STX8: variants seen among roughly 807,000 people sequenced by gnomAD.
The protein encoded by STX8 is syntaxin 8.
STX8 carries 23 observed loss-of-function variants against 37.5 expected under a neutral mutation model. The observed-to-expected ratio is 0.61, with a 90% CI of 0.44 to 0.87. STX8 has a LOEUF of 0.87. STX8 is among the 40% of genes least tolerant of loss of function. The pLI, the probability that STX8 is intolerant of heterozygous loss-of-function variation, is 0.00. For missense variants in STX8, 313 were observed against 284.7 expected (o/e 1.10, Z -0.71); for synonymous variants, 115 against 99.1 (o/e 1.16, Z -0.95).
intron 7 of STX8, among the ~76,000 whole-genome samples, chr17:9,312,525 C>T (rs1227479276): frequency 6.6e-6 from 1 of 152,144 alleles, no homozygotes. Context: ...TAAGGGATAT[C>T]ATAAAAGATA....
chr17:9,354,318 CTTTTT>C (rs35460018), intron 7 of STX8, among the ~76,000 whole-genome samples: 2 of 119,752 alleles, frequency 1.7e-5, no homozygotes, highest in African/African-American at 3.2e-5. Context: ...AATTGTCTCA[CTTTTT>C]TTTTTTTTTT....
At chr17:9,371,725 G>A (rs1911407400) in intron 7 of STX8, among the ~76,000 whole-genome samples, 1 of 150,116 alleles carries the variant, frequency 6.7e-6, no homozygotes, top group Non-Finnish European at 1.5e-5. Context: ...TTTAATTTCA[G>A]TTACCTGTTA....
intron 6 of STX8, among the ~76,000 whole-genome samples, chr17:9,490,746 C>A (rs1003211538): frequency 2.0e-5 from 3 of 152,144 alleles, no homozygotes; most frequent in African/African-American, 7.2e-5. Context: ...TTTTCTTTTT[C>A]TCTTCCTACT....
At chr17:9,266,616 G>A (rs1377058999) in intron 7 of STX8, among the ~76,000 whole-genome samples, 1 of 152,118 alleles carries the variant, frequency 6.6e-6, no homozygotes, top group East Asian at 1.9e-4. Flanking sequence ...TGCATTTCCA[G>A]TAAGGTGGGA....
At chr17:9,476,993 ACAC>A (rs1440567413) in intron 6 of STX8, among the ~76,000 whole-genome samples, 11 of 152,000 alleles carry the variant, frequency 7.2e-5, no homozygotes, top group African/African-American at 2.7e-4. Context: ...CTACAGGTGT[ACAC>A]CACCACATTA....
chr17:9,394,338 A>G (rs1302522521), intron 6 of STX8, among the ~76,000 whole-genome samples: 1 of 152,086 alleles, frequency 6.6e-6, no homozygotes, highest in Admixed American at 6.6e-5. Context: ...AGTCTGGACT[A>G]GTGTATTACC....
chr17:9,360,541 A>C (rs2142258752), intron 7 of STX8, among the ~76,000 whole-genome samples: 1 of 151,756 alleles, frequency 6.6e-6, no homozygotes, highest in Non-Finnish European at 1.5e-5. Flanking sequence ...TACTATATTT[A>C]CTCACTTTCA....
chr17:9,520,854 A>G lies in STX8; in HGVS notation c.324-15692T>C, dbSNP rs529173336. Reference sequence around the variant, plus strand: ...TTCTTAGCGTTTCAAAAAGATGTCAAAGTGACTATATAAAATGTTTGTTTT... The same window carrying G: ...TTCTTAGCGTTTCAAAAAGATGTCAGAGTGACTATATAAAATGTTTGTTTT... On this transcript the variant is annotated intron_variant, in intron 4 of 7. Coordinates refer to ENST00000306357, the MANE Select transcript of STX8 (RefSeq NM_004853.3). Among the ~76,000 whole-genome samples the G allele has an allele frequency of 6.6e-5, 10 of 152,300 alleles. No homozygotes were observed. In the East Asian group the frequency reaches 1.9e-3, roughly 29 times the overall value.
rs114701005 is a variant in STX8 at position 9,524,495 on chromosome 17, C to T, written c.324-19333G>A. ...TAATCCCATTCTTGAGGGCAGAGTC[C>T]TCATGACTTACTTCCCCGAAGGTCC... On this transcript the variant is annotated intron_variant, in intron 4 of 7. Transcript: ENST00000306357. Among the ~76,000 whole-genome samples the T allele has an allele frequency of 5.8e-3, 876 of 152,244 alleles. 9 individuals carry two copies. Among genetic ancestry groups the T allele is most frequent in the African/African-American group, 0.02 (844 of 41,532 alleles).
chr17:9,547,777 CTTTTCTT>C (rs1202552575), intron 3 of STX8, among the ~76,000 whole-genome samples: 10 of 123,288 alleles, frequency 8.1e-5, no homozygotes, highest in African/African-American at 2.1e-4. Flanking sequence ...CTTTTCTTTT[CTTTTCTT>C]TTTTTTTTTT....
intron 7 of STX8, among the ~76,000 whole-genome samples, chr17:9,319,397 C>T (rs1222740537): frequency 7.2e-5 from 11 of 151,744 alleles, no homozygotes; most frequent in African/African-American, 1.9e-4. Context: ...CCAGCCTGGG[C>T]GACACAGCAA....
intron 6 of STX8, among the ~76,000 whole-genome samples, chr17:9,468,178 C>T (rs937109917): frequency 6.6e-6 from 1 of 152,076 alleles, no homozygotes; most frequent in Non-Finnish European, 1.5e-5. Context: ...GGCACCATCT[C>T]GGCTCACTGC....
chr17:9,277,315 G>A (rs7215812), intron 7 of STX8, among the ~76,000 whole-genome samples: 54,139 of 151,878 alleles, frequency 0.36, 9,925 homozygotes, highest in East Asian at 0.54. Flanking sequence ...ACGGGGTGTG[G>A]ATGGAGGTAT....
chr17:9,481,748 T>C lies in STX8; in HGVS notation c.541+10081A>G, dbSNP rs1906356091. On this transcript the variant is annotated intron_variant, in intron 6 of 7. Coordinates refer to ENST00000306357, the MANE Select transcript of STX8 (RefSeq NM_004853.3). ...ACGTGAGCAGCAGGCAAGTGAGCATTACTGCCTGAGCTCCACCTCCCATCA... is the reference window on the plus strand; with the variant it reads ...ACGTGAGCAGCAGGCAAGTGAGCATCACTGCCTGAGCTCCACCTCCCATCA... Among the ~76,000 whole-genome samples the C allele has an allele frequency of 2.0e-5, 3 of 152,182 alleles. No homozygotes were observed. In the South Asian group the frequency reaches 6.2e-4, roughly 32 times the overall value.
chr17:9,489,421 C>T (rs986297554), intron 6 of STX8, among the ~76,000 whole-genome samples: 4 of 152,116 alleles, frequency 2.6e-5, no homozygotes, highest in African/African-American at 2.4e-5. Flanking sequence ...TAAAGACGTG[C>T]GGCTTGATTG....
intron 7 of STX8, among the ~76,000 whole-genome samples, chr17:9,363,974 C>A (rs1160137788): frequency 2.0e-5 from 3 of 152,164 alleles, no homozygotes; most frequent in African/African-American, 7.2e-5. Flanking sequence ...GAAGCGTCAA[C>A]GTTTGAACTT....
intron 2 of STX8, among the ~76,000 whole-genome samples, chr17:9,566,259 A>G (rs1400020908): frequency 6.6e-6 from 1 of 152,234 alleles, no homozygotes; most frequent in African/African-American, 2.4e-5. Context: ...ATGAGATACC[A>G]TCTCACACCA....
At chr17:9,322,814 TAAAAA>T (rs59941529) in intron 7 of STX8, among the ~76,000 whole-genome samples, 2 of 64,674 alleles carry the variant, frequency 3.1e-5, no homozygotes, top group Non-Finnish European at 5.5e-5. Flanking sequence ...GTGCATTTGC[TAAAAA>T]AAAAAAAAAA....
intron 6 of STX8, among the ~76,000 whole-genome samples, chr17:9,484,658 A>G (rs1199848883): frequency 2.0e-5 from 2 of 100,428 alleles, no homozygotes; most frequent in African/African-American, 8.1e-5. Context: ...TCTACTAAAA[A>G]TACAAAAAAA....
Sources: allele counts gnomAD v4.1 joint callset (sites outside exome capture counted in the v4.1 genomes callset), GRCh38; gene constraint gnomAD v4.1.1; transcripts MANE v1.5; gene names NCBI Gene and HGNC (gene_info 2026-07-23, HGNC 2026-07-21).